The following RORA variants were observed in gnomAD, a reference collection of about 807,000 sequenced individuals.
RORA encodes the protein RAR related orphan receptor A, also known as nuclear receptor ROR-alpha.
In RORA, 7 loss-of-function variants were observed where a neutral mutation model predicts 69.5. The observed-to-expected ratio is 0.10, with a 90% CI of 0.06 to 0.19. The LOEUF (loss-of-function observed/expected upper bound fraction) is 0.19. Ranked by LOEUF, RORA falls within the 10% of genes least tolerant of loss-of-function variation. RORA has a pLI of 1.00. For synonymous variants in RORA, 261 were observed against 240.8 expected (o/e 1.08, Z -0.78); for missense variants, 457 against 663.0 (o/e 0.69, Z 3.41).
chr15:60,614,705 C>A (rs1360311911), intron 2 of RORA, among the ~76,000 whole-genome samples: 1 of 152,094 alleles, frequency 6.6e-6, no homozygotes. Context: ...ATCTCTGCCA[C>A]CCACTAGCCA....
At chr15:61,164,213 T>C (rs1331091460) in intron 1 of RORA, among the ~76,000 whole-genome samples, 2 of 151,990 alleles carry the variant, frequency 1.3e-5, no homozygotes, top group African/African-American at 4.8e-5. Flanking sequence ...TGACTTTGAG[T>C]ATAAGGTTTC....
chr15:61,030,833 ATTAATT>A lies in RORA; in HGVS notation c.166+198214_166+198219del, dbSNP rs552887029. Among the ~76,000 whole-genome samples the A allele has an allele frequency of 9.3e-4, 142 of 152,292 alleles. 2 individuals are homozygous for A. In the East Asian group the frequency reaches 0.022, roughly 24 times the overall value. On this transcript the variant is annotated intron_variant, in intron 1 of 10. Coordinates refer to ENST00000335670, the MANE Select transcript of RORA (RefSeq NM_134261.3). ...CTATACTTTATAGTATCTCTTCCCC[ATTAATT>A]TTGAGAAAAACGCAAATGATTGTGA...
intron 1 of RORA, among the ~76,000 whole-genome samples, chr15:61,016,912 C>G (rs1476585054): frequency 6.6e-6 from 1 of 151,984 alleles, no homozygotes; most frequent in Non-Finnish European, 1.5e-5. Flanking sequence ...TAAGGTTGCC[C>G]CATATATACT....
chr15:61,023,204 A>AAC (rs1895632341), intron 1 of RORA, among the ~76,000 whole-genome samples: 2 of 150,956 alleles, frequency 1.3e-5, no homozygotes, highest in African/African-American at 2.4e-5. Context: ...AAAAAAAAAA[A>AAC]AAAAAAACTG....
intron 1 of RORA, among the ~76,000 whole-genome samples, chr15:61,164,380 A>G (rs997561976): frequency 6.6e-6 from 1 of 152,212 alleles, no homozygotes; most frequent in South Asian, 2.1e-4. Flanking sequence ...GGATCTGTGG[A>G]ATCTTTAAAA....
At chr15:61,168,055 T>C (rs747160782) in intron 1 of RORA, among the ~76,000 whole-genome samples, 1 of 152,052 alleles carries the variant, frequency 6.6e-6, no homozygotes, top group Non-Finnish European at 1.5e-5. Flanking sequence ...AGAGTTCTAC[T>C]AGTATTTAGG....
At chr15:61,105,014 C>A (rs1333126179) in intron 1 of RORA, among the ~76,000 whole-genome samples, 1 of 143,368 alleles carries the variant, frequency 7.0e-6, no homozygotes, top group African/African-American at 2.5e-5. Flanking sequence ...ACCGCCCAGC[C>A]ACGTGGAACT....
intron 1 of RORA, among the ~76,000 whole-genome samples, chr15:61,055,190 T>C (rs564703923): frequency 2.2e-4 from 33 of 151,340 alleles, no homozygotes; most frequent in African/African-American, 7.5e-4. Context: ...AAGGTGCCAC[T>C]TGACCATCCT....
chr15:60,792,282 G>C (rs1374393527), intron 1 of RORA, among the ~76,000 whole-genome samples: 1 of 152,100 alleles, frequency 6.6e-6, no homozygotes, highest in Non-Finnish European at 1.5e-5. Flanking sequence ...ATGAAGAAGA[G>C]TGAACAGAGC....
chr15:60,929,679 T>C (rs1892319386), intron 1 of RORA, among the ~76,000 whole-genome samples: 1 of 152,198 alleles, frequency 6.6e-6, no homozygotes, highest in South Asian at 2.1e-4. Context: ...ACATCTGATA[T>C]GCCCAGAATC....
intron 1 of RORA, among the ~76,000 whole-genome samples, chr15:60,887,504 C>T (rs1336936465): frequency 6.6e-6 from 1 of 151,988 alleles, no homozygotes; most frequent in Non-Finnish European, 1.5e-5. Flanking sequence ...AGCAGAGGAG[C>T]AGGAAAAAAG....
At chr15:60,514,410 C>T (rs1242711244) in intron 4 of RORA, among the ~76,000 whole-genome samples, 1 of 152,092 alleles carries the variant, frequency 6.6e-6, no homozygotes. Context: ...ACCCATCAGC[C>T]AGCCAGCTGA....
chr15:60,516,137 TTATATATATTTATA>T (rs2065915602), intron 3 of RORA, among the ~76,000 whole-genome samples: 1 of 64,970 alleles, frequency 1.5e-5, no homozygotes, highest in African/African-American at 6.2e-5. Flanking sequence ...TTAAATATAT[TTATATATATTTATA>T]TATATATATT....
intron 2 of RORA, among the ~76,000 whole-genome samples, chr15:60,566,021 T>C (rs140383123): frequency 6.6e-6 from 1 of 152,348 alleles, no homozygotes; most frequent in Non-Finnish European, 1.5e-5. Flanking sequence ...ATAATTAACA[T>C]ACACTCATAT....
intron 2 of RORA, among the ~76,000 whole-genome samples, chr15:60,580,608 T>C (rs1264908397): frequency 1.3e-5 from 2 of 152,248 alleles, no homozygotes; most frequent in South Asian, 2.1e-4. Flanking sequence ...CCAGCAATTA[T>C]GGCGTTCATT....
At chr15:61,223,403 C>A (rs2140950243) in intron 1 of RORA, among the ~76,000 whole-genome samples, 1 of 151,730 alleles carries the variant, frequency 6.6e-6, no homozygotes, top group East Asian at 1.9e-4. Context: ...ATGAAATATT[C>A]CTATAAAGTA....
At chr15:61,005,386 A>G (rs1043631207) in intron 1 of RORA, among the ~76,000 whole-genome samples, 28 of 152,230 alleles carry the variant, frequency 1.8e-4, no homozygotes, top group Admixed American at 1.2e-3. Flanking sequence ...AGGCTGAGGC[A>G]GGAGAATTGC....
intron 1 of RORA, among the ~76,000 whole-genome samples, chr15:60,744,996 C>G (rs1471790843): frequency 6.6e-6 from 1 of 152,212 alleles, no homozygotes; most frequent in East Asian, 1.9e-4. Context: ...CTATGCCTGG[C>G]CACCGCGCCC....
intron 2 of RORA, among the ~76,000 whole-genome samples, chr15:60,629,924 A>C (rs1437286493): frequency 6.6e-6 from 1 of 152,256 alleles, no homozygotes; most frequent in Non-Finnish European, 1.5e-5. Context: ...AGCTGTTGGC[A>C]GGCAAGGGTG....
Sources: allele counts gnomAD v4.1 joint callset (sites outside exome capture counted in the v4.1 genomes callset), GRCh38; gene constraint gnomAD v4.1.1; transcripts MANE v1.5; gene names NCBI Gene and HGNC (gene_info 2026-07-23, HGNC 2026-07-21).